HFM1: variants seen among roughly 807,000 people sequenced by gnomAD.
HFM1 encodes the protein helicase for meiosis 1.
In HFM1, 169 loss-of-function variants were observed where a neutral mutation model predicts 192.1. The ratio of observed to expected loss-of-function variants is 0.88; its 90% CI spans 0.78 to 1.00. The LOEUF (loss-of-function observed/expected upper bound fraction) is 1.00, where lower values mean the gene tolerates loss of function less well. Among genes scored for constraint, HFM1 ranks in the 50% least tolerant of loss-of-function variants. The pLI is 0.00. For missense variants in HFM1, 1,661 were observed against 1,668.0 expected (o/e 1.00, Z 0.07); for synonymous variants, 525 against 537.8 (o/e 0.98, Z 0.33).
chr1:91,394,279 T>A lies in HFM1; in HGVS notation c.308A>T (p.Asp103Val), dbSNP rs539997150. 12 of 1,594,474 alleles carry A rather than the reference T, an allele frequency of 7.5e-6. No homozygotes were observed. In the South Asian group the frequency reaches 1.2e-4, roughly 16 times the overall value. Residue 103 changes from aspartate to valine, a missense_variant, in exon 4 of 39, where the codon GAT becomes GTT. Coordinates refer to ENST00000370425, the MANE Select transcript of HFM1 (RefSeq NM_001017975.6). ...ATTACCTACCCCTTCTAAATTTAGA[T>A]CATCCTGTTCATATTTATCAGAAGG... ...AFPSDKYEQDDLNLEGVGNND... is the reference protein window; with the variant it reads ...AFPSDKYEQDVLNLEGVGNND...
chr1:91,340,632 C>T lies in HFM1; in HGVS notation c.2335+2798G>A, dbSNP rs192588114. Among the ~76,000 whole-genome samples, 2 of 152,044 alleles carry T rather than the reference C, an allele frequency of 1.3e-5. 1 individual carries two copies. Among genetic ancestry groups the T allele is most frequent in the East Asian group, 3.9e-4 (2 of 5,180 alleles). On this transcript the variant is annotated intron_variant, in intron 20 of 38. Coordinates refer to ENST00000370425, the MANE Select transcript of HFM1 (RefSeq NM_001017975.6). ...CCTTGAATATAAACAGACTATAATA[C>T]CCCACTTAAAAGGCGCAGAGTGACA...
At position 91,378,423 on chromosome 1, in the gene HFM1, G is replaced by T; in HGVS notation, c.1216C>A (p.Arg406=). ...ATTACCTCATCAATGAGAAACAGTC[G>T]AACCAGCTGAACCAAAGAGTTGTCT... ...WRDNSLVQLV[R]LFLIDEVHIV... The change falls in exon 10 of 39, where the codon CGA becomes AGA. Residue 406 remains arginine (R), a synonymous_variant. Coordinates refer to ENST00000370425, the MANE Select transcript of HFM1 (RefSeq NM_001017975.6). 1 of 1,603,082 alleles carries T rather than the reference G, an allele frequency of 6.2e-7. No individual in the cohort carries two copies.
At chr1:91,310,282 TG>T (rs578063502) in intron 30 of HFM1, among the ~76,000 whole-genome samples, 51 of 152,116 alleles carry the variant, frequency 3.4e-4, no homozygotes, top group Non-Finnish European at 6.9e-4. Flanking sequence ...CTTCAAAATA[TG>T]GATGGAAAAA....
At chr1:91,406,518 G>T (rs1198782100), upstream of HFM1, among the ~76,000 whole-genome samples, 1 of 152,142 alleles carries the variant, frequency 6.6e-6, no homozygotes, top group Non-Finnish European at 1.5e-5. Flanking sequence ...GTTTTTAAAA[G>T]GAAGCCTCAG....
At chr1:91,388,496 T>G (rs1004391622) in intron 4 of HFM1, among the ~76,000 whole-genome samples, 2 of 152,168 alleles carry the variant, frequency 1.3e-5, no homozygotes, top group African/African-American at 4.8e-5. Flanking sequence ...TGACATTCAG[T>G]AGGGAAAGAA....
chr1:91,264,359 G>GTTTT (rs1466938761), intron 36 of HFM1, among the ~76,000 whole-genome samples: 17 of 54,072 alleles, frequency 3.1e-4, no homozygotes, highest in East Asian at 1.8e-3. Context: ...CACAAATTTA[G>GTTTT]TATTTTTTTT....
At chr1:91,365,395 G>C (rs1229200464) in intron 13 of HFM1, among the ~76,000 whole-genome samples, 1 of 151,692 alleles carries the variant, frequency 6.6e-6, no homozygotes, top group East Asian at 1.9e-4. Flanking sequence ...TGAGATGAGA[G>C]ATATATTAAT....
In HFM1 at chr1:91,287,915, G is replaced by A. The variant is rs375135758; in HGVS notation, c.3392-10853C>T. ...ATGAATTGGAAGAAAGGGTATCAGC[G>A]ATGGAAGATGAAATGAATGAAATGA... On this transcript the variant is annotated intron_variant, in intron 30 of 38. Coordinates refer to ENST00000370425, the MANE Select transcript of HFM1 (RefSeq NM_001017975.6). Among the ~76,000 whole-genome samples, 46 of 152,304 alleles carry A rather than the reference G, an allele frequency of 3.0e-4. No homozygotes were observed. The South Asian group carries it at 6.9e-3, about 23-fold the overall frequency.
chr1:91,296,798 T>C (rs1387043348), intron 30 of HFM1, among the ~76,000 whole-genome samples: 3 of 152,170 alleles, frequency 2.0e-5, no homozygotes, highest in Admixed American at 6.5e-5. Context: ...TTTAGAATTA[T>C]AATTTTGAGG....
chr1:91,377,949 T>G (rs1661094001), intron 11 of HFM1, 76 bp downstream of exon 11: 1 of 1,367,130 alleles, frequency 7.3e-7, no homozygotes. Context: ...AAAATTCACT[T>G]TTCTCTATGA....
chr1:91,310,140 T>A (rs1177159863), intron 30 of HFM1, among the ~76,000 whole-genome samples: 3 of 152,158 alleles, frequency 2.0e-5, no homozygotes, highest in Non-Finnish European at 2.9e-5. Flanking sequence ...TGAGACAATT[T>A]GAACCCTGAC....
chr1:91,391,120 G>T (rs2102113378), intron 4 of HFM1, among the ~76,000 whole-genome samples: 1 of 152,206 alleles, frequency 6.6e-6, no homozygotes, highest in African/African-American at 2.4e-5. Context: ...ACAAATGGAA[G>T]AACATTCCAT....
intron 2 of HFM1, among the ~76,000 whole-genome samples, chr1:91,397,920 T>C (rs1020495900): frequency 6.6e-6 from 1 of 152,220 alleles, no homozygotes; most frequent in Non-Finnish European, 1.5e-5. Context: ...CAGGTTTTTA[T>C]TGGGGGCTAA....
At chr1:91,277,128 T>G in intron 30 of HFM1, 66 bp from the exon 31 acceptor site, 2 of 822,286 alleles carry the variant, frequency 2.4e-6, no homozygotes. Flanking sequence ...TTAATATAAT[T>G]AATTTTTATC....
At chr1:91,351,860 C>T (rs1053730989) in intron 16 of HFM1, among the ~76,000 whole-genome samples, 5 of 151,802 alleles carry the variant, frequency 3.3e-5, no homozygotes, top group Non-Finnish European at 5.9e-5. Flanking sequence ...TTCAATGTAA[C>T]ATAATTTTGG....
At chr1:91,394,439 C>T (rs760007893) in intron 3 of HFM1, 37 bp from the exon 4 acceptor site, 18 of 1,163,680 alleles carry the variant, frequency 1.5e-5, no homozygotes, top group Non-Finnish European at 2.2e-5. Flanking sequence ...TACATGTTCT[C>T]CATTAAAGGA....
chr1:91,289,868 C>CGAGAGG (rs1056369831), intron 30 of HFM1, among the ~76,000 whole-genome samples: 7 of 151,774 alleles, frequency 4.6e-5, no homozygotes, highest in South Asian at 2.1e-4. Flanking sequence ...GAGAGGGAGA[C>CGAGAGG]GAGAGGGAGA....
chr1:91,404,686 C>G, intron 1 of HFM1, 112 bp downstream of exon 1: 1 of 313,842 alleles, frequency 3.2e-6, no homozygotes, highest in South Asian at 2.3e-5. Flanking sequence ...GCCCGGCAGA[C>G]GGCTCTAGAG....
In HFM1 at chr1:91,379,212, C is replaced by T. The variant is rs1661264030; in HGVS notation, c.1009G>A (p.Ala337Thr). Residue 337 changes from alanine (A) to threonine (T), a missense_variant and splice_region_variant, in exon 9 of 39, where the codon GCA (alanine) becomes ACA (threonine). By Grantham distance (58) the Ala-to-Thr change is moderately conservative (BLOSUM62 0). Transcript: ENST00000370425. ...TGACTGCACAAGGCTTTTATTGGTG[C>T]CACTGTAACAATATAAAATATTTAC... ...PWLNIKIVYMAPIKALCSQRF... is the reference protein window; with the variant it reads ...PWLNIKIVYMTPIKALCSQRF... 1.9e-6 allele frequency: 3 copies of T among 1,590,302 alleles called. No individual in the cohort carries two copies. The highest frequency in any genetic ancestry group is 2.6e-6 in the Non-Finnish European group (3 of 1,172,410).
Sources: allele counts gnomAD v4.1 joint callset (sites outside exome capture counted in the v4.1 genomes callset), GRCh38; gene constraint gnomAD v4.1.1; transcripts MANE v1.5; gene names NCBI Gene and HGNC (gene_info 2026-07-23, HGNC 2026-07-21).